PDE6A: variants seen among roughly 807,000 people sequenced by gnomAD.
The protein encoded by PDE6A is phosphodiesterase 6A.
Under a neutral mutation model 106.3 loss-of-function variants are expected in PDE6A, and 84 were observed. The observed-to-expected ratio is 0.79, with a 90% CI of 0.66 to 0.95. The LOEUF (loss-of-function observed/expected upper bound fraction) is 0.95, where lower values mean the gene tolerates loss of function less well. Ranked by LOEUF, PDE6A falls within the 40% of genes least tolerant of loss-of-function variation. The pLI, the probability that PDE6A is intolerant of heterozygous loss-of-function variation, is 0.00. For synonymous variants in PDE6A, 394 were observed against 386.6 expected (o/e 1.02, Z -0.23); for missense variants, 1,052 against 1,084.9 (o/e 0.97, Z 0.43).
At chr5:149,920,990 GAA>G (rs3049630) in intron 5 of PDE6A, among the ~76,000 whole-genome samples, 5,037 of 109,754 alleles carry the variant, frequency 0.046, 190 homozygotes, top group African/African-American at 0.14. Flanking sequence ...AAGAAAGAAA[GAA>G]AGAAAAAGAA....
intron 1 of PDE6A, among the ~76,000 whole-genome samples, chr5:149,939,859 G>T (rs1212555398): frequency 1.3e-5 from 2 of 151,890 alleles, no homozygotes; most frequent in African/African-American, 4.8e-5. Flanking sequence ...TATAGAGGAG[G>T]AGGGAGTACA....
At chr5:149,900,379 A>ATATATATATATATATATATATG (rs1752926625) in intron 8 of PDE6A, among the ~76,000 whole-genome samples, 1 of 107,306 alleles carries the variant, frequency 9.3e-6, no homozygotes, top group Non-Finnish European at 1.8e-5. Context: ...ATATATGTAT[A>ATATATATATATATATATATATG]TATATATATA....
intron 5 of PDE6A, among the ~76,000 whole-genome samples, chr5:149,915,971 T>A (rs1753538654): frequency 6.6e-6 from 1 of 152,138 alleles, no homozygotes; most frequent in Non-Finnish European, 1.5e-5. Context: ...CAACATGTAA[T>A]ATTTCTCTTT....
chr5:149,934,857 A>G (rs541351262), intron 1 of PDE6A, 139 bp from the exon 2 acceptor site: 5 of 819,884 alleles, frequency 6.1e-6, no homozygotes, highest in African/African-American at 1.7e-5. Flanking sequence ...CAGAGATGAC[A>G]TCTGTCATGG....
chr5:149,890,223 C>T (rs1452319606), intron 13 of PDE6A, among the ~76,000 whole-genome samples: 1 of 152,076 alleles, frequency 6.6e-6, no homozygotes, highest in African/African-American at 2.4e-5. Flanking sequence ...TCCCAAAGTG[C>T]TGAGATTACA....
intron 5 of PDE6A, among the ~76,000 whole-genome samples, chr5:149,921,263 C>A (rs1474557805): frequency 1.3e-5 from 2 of 151,668 alleles, no homozygotes; most frequent in African/African-American, 2.4e-5. Flanking sequence ...AGATATTAAA[C>A]ACTTAGCTTC....
Position 149,899,368 on chromosome 5 carries a change from G to A in PDE6A, c.1263+7C>T. 6.2e-7 allele frequency: 1 copy of A among 1,614,028 alleles called. No homozygotes were observed. The highest frequency in any genetic ancestry group is 1.3e-5 in the African/African-American group (1 of 75,036). On this transcript the variant is annotated splice_region_variant and intron_variant, in intron 9 of 21. Coordinates refer to ENST00000255266, the MANE Select transcript of PDE6A (RefSeq NM_000440.3). The stretch of plus-strand genomic sequence containing the variant: ...CCAACAGCAAAAGGCCTCCTAGCAA[G>A]CCATACCTCCATGAGCGTCTCATCC...
At position 149,860,483 on chromosome 5, in the gene PDE6A, T is replaced by C. The variant is rs1760093865; in HGVS notation, c.*412A>G. 2 of 158,208 alleles carry C rather than the reference T, an allele frequency of 1.3e-5. No homozygotes were observed. Among genetic ancestry groups the C allele is most frequent in the Admixed American group, 6.3e-5 (1 of 15,826 alleles). 9.8% of individuals were successfully genotyped at this position (158,208 alleles called of 1,614,324 possible). ...AGCTAGAATATTGGTTTTAGCTCAA[T>C]AGGCAGTTCTCAAGACTAAAAGAAT... On this transcript the variant is annotated 3_prime_UTR_variant, in exon 22 of 22. Coordinates refer to ENST00000255266, the MANE Select transcript of PDE6A (RefSeq NM_000440.3).
rs111257068 is a variant in PDE6A, at chr5:149,902,390, C to T, written c.1113+1258G>A. ...AATCACCACTCGGTGTCTCTTTCCCCATGCAATCATGAGCTTCATGGAGAC... is the reference window on the plus strand; with the variant it reads ...AATCACCACTCGGTGTCTCTTTCCCTATGCAATCATGAGCTTCATGGAGAC... On this transcript the variant is annotated intron_variant, in intron 8 of 21. Coordinates refer to ENST00000255266, the MANE Select transcript of PDE6A (RefSeq NM_000440.3). Among the ~76,000 whole-genome samples the T allele has an allele frequency of 1.4e-3, 207 of 152,234 alleles. 1 individual carries two copies. The highest frequency in any genetic ancestry group is 4.8e-3 in the African/African-American group (201 of 41,538).
Position 149,941,526 on chromosome 5 carries a change from C to A in PDE6A, c.474+2674G>T, listed in dbSNP as rs555491634. Among the ~76,000 whole-genome samples the A allele has an allele frequency of 1.1e-4, 17 of 152,340 alleles. No homozygotes were observed. In the East Asian group the frequency reaches 2.1e-3, roughly 19 times the overall value. On this transcript the variant is annotated intron_variant, in intron 1 of 21. Transcript: ENST00000255266. Reference sequence around the variant, plus strand: ...TGGAAGAAAGAGCCAAGTGTTTAACCAAGTGATCAGTGTTTACACTTCCAG... The same window carrying A: ...TGGAAGAAAGAGCCAAGTGTTTAACAAAGTGATCAGTGTTTACACTTCCAG...
intron 6 of PDE6A, among the ~76,000 whole-genome samples, chr5:149,913,618 C>T (rs909647956): frequency 6.6e-6 from 1 of 152,102 alleles, no homozygotes; most frequent in Non-Finnish European, 1.5e-5. Context: ...AGTTGGCATG[C>T]AGTAAATCCC....
intron 3 of PDE6A, among the ~76,000 whole-genome samples, chr5:149,933,536 T>A (rs978826422): frequency 2.6e-5 from 4 of 152,204 alleles, no homozygotes; most frequent in Non-Finnish European, 5.9e-5. Flanking sequence ...AGGTTTTTAA[T>A]AAAAATAATA....
chr5:149,927,492 A>T (rs1753896633), intron 4 of PDE6A, among the ~76,000 whole-genome samples: 1 of 152,160 alleles, frequency 6.6e-6, no homozygotes, highest in Non-Finnish European at 1.5e-5. Context: ...AGCTCACTGC[A>T]GATTCGGACT....
At chr5:149,897,399 C>T (rs1195419254) in intron 10 of PDE6A, among the ~76,000 whole-genome samples, 2 of 152,112 alleles carry the variant, frequency 1.3e-5, no homozygotes, top group Non-Finnish European at 1.5e-5. Flanking sequence ...CGAGGCTGTG[C>T]CCCGATAGGT....
rs987721500 is a variant in PDE6A at position 149,921,497 on chromosome 5, A to C, written c.933+138T>G. ...GCACCTGTCTGCTATTGAATATGAG[A>C]GATTATTCTAACTTCAAAGGAGACA... On this transcript the variant is annotated intron_variant, in intron 5 of 21. Coordinates refer to ENST00000255266, the MANE Select transcript of PDE6A (RefSeq NM_000440.3). The C allele has an allele frequency of 1.5e-5, 10 of 675,152 alleles. No homozygotes were observed. The Middle Eastern group carries it at 8.1e-4, about 55-fold the overall frequency. 41.8% of individuals were successfully genotyped at this position (675,152 alleles called of 1,614,324 possible).
At chr5:149,891,019 A>G (rs1752525457) in intron 13 of PDE6A, among the ~76,000 whole-genome samples, 1 of 152,226 alleles carries the variant, frequency 6.6e-6, no homozygotes, top group Admixed American at 6.5e-5. Flanking sequence ...TGTAAATCCA[A>G]TGTTAAGTGT....
Position 149,862,749 on chromosome 5 carries a change from C to T in PDE6A, c.2506+370G>A, listed in dbSNP as rs966240621. 3.3e-5 allele frequency among the ~76,000 whole-genome samples: 5 copies of T among 152,120 alleles called. No individual in the cohort carries two copies. In the East Asian group the frequency reaches 9.6e-4, roughly 29 times the overall value. On this transcript the variant is annotated intron_variant, in intron 21 of 21. Coordinates refer to ENST00000255266, the MANE Select transcript of PDE6A (RefSeq NM_000440.3). Reference sequence around the variant, plus strand: ...CTCCAGCCTGGGAGACAGAGTGAGACTCCGGCTCAAAAAATAAATAAATAA... The same window carrying T: ...CTCCAGCCTGGGAGACAGAGTGAGATTCCGGCTCAAAAAATAAATAAATAA...
intron 13 of PDE6A, among the ~76,000 whole-genome samples, chr5:149,891,298 C>T (rs1490575867): frequency 1.3e-5 from 2 of 151,666 alleles, no homozygotes; most frequent in East Asian, 3.9e-4. Context: ...GATGAAACCC[C>T]GTCTCTACAA....
At chr5:149,893,610 G>C (rs1356925376) in intron 13 of PDE6A, among the ~76,000 whole-genome samples, 1 of 152,170 alleles carries the variant, frequency 6.6e-6, no homozygotes, top group African/African-American at 2.4e-5. Flanking sequence ...AATCCAGTAA[G>C]GTTTCTTTCC....
Sources: gnomAD v4.1 joint callset for allele counts (sites outside exome capture counted in the v4.1 genomes callset) on GRCh38, gnomAD v4.1.1 for gene constraint, MANE v1.5 for transcripts, NCBI Gene and HGNC (gene_info 2026-07-23, HGNC 2026-07-21) for gene names.